Variants in PCDH11Y observed in about 807,000 individuals in gnomAD.
PCDH11Y encodes protocadherin 11 Y-linked.
For missense variants in PCDH11Y, 12 were observed against 224.8 expected, an observed-to-expected ratio of 0.05 and a Z score of 6.05; for synonymous variants, 9 against 83.6, an observed-to-expected ratio of 0.11 and a Z score of 4.87.
At chrY:5,193,461 C>A in intron 2 of PCDH11Y, among the ~76,000 whole-genome samples, 3 of 32,762 alleles carry the variant, frequency 9.2e-5, no homozygotes, top group South Asian at 1.4e-3. Context: ...TGTTATAAAT[C>A]TAAAAATGGG....
intron 1 of PCDH11Y, among the ~76,000 whole-genome samples, chrY:5,083,185 G>C (rs2052723921): frequency 3.0e-5 from 1 of 33,486 alleles, no homozygotes; most frequent in African/African-American, 1.2e-4. Context: ...ATGATTTCCC[G>C]AGCAGAGTAG....
At chrY:5,691,372 T>C (rs1602960524) in intron 4 of PCDH11Y, among the ~76,000 whole-genome samples, 19 of 34,031 alleles carry the variant, frequency 5.6e-4, no homozygotes, top group Middle Eastern at 0.014. Flanking sequence ...CATGTCACTA[T>C]GAAACTTCTT....
chrY:5,311,518 T>C (rs1602902832), intron 2 of PCDH11Y, among the ~76,000 whole-genome samples: 4 of 23,626 alleles, frequency 1.7e-4, no homozygotes, highest in Admixed American at 4.3e-4. Flanking sequence ...CACACACACA[T>C]ATATATATAT....
chrY:5,096,869 A>AT (rs1171845147), intron 1 of PCDH11Y, among the ~76,000 whole-genome samples: 35 of 19,346 alleles, frequency 1.8e-3, no homozygotes, highest in South Asian at 4.0e-3. Context: ...ACGCCAGGCT[A>AT]TTTTTTTTTT....
chrY:5,501,576 A>G (rs2053354278), intron 3 of PCDH11Y, among the ~76,000 whole-genome samples: 2 of 32,984 alleles, frequency 6.1e-5, no homozygotes, highest in Non-Finnish European at 1.5e-4. Context: ...TTTATTTGTG[A>G]AGGTATAAAT....
At chrY:5,702,266 C>T (rs2053579006) in intron 4 of PCDH11Y, among the ~76,000 whole-genome samples, 1 of 30,760 alleles carries the variant, frequency 3.3e-5, no homozygotes, top group African/African-American at 1.3e-4. Context: ...CAGGTTCAAG[C>T]GATTCTCCTG....
intron 2 of PCDH11Y, among the ~76,000 whole-genome samples, chrY:5,187,266 GC>G (rs2052907215): frequency 3.0e-5 from 1 of 32,913 alleles, no homozygotes; most frequent in South Asian, 6.9e-4. Flanking sequence ...GAAGACTGTG[GC>G]CCTGTTCTCA....
chrY:5,695,073 GTATA>G (rs2053570640), intron 4 of PCDH11Y, among the ~76,000 whole-genome samples: 1 of 27,632 alleles, frequency 3.6e-5, no homozygotes, highest in Non-Finnish European at 8.8e-5. Context: ...GTAACCTGGT[GTATA>G]CACACACACA....
chrY:5,350,535 G>A (rs2053157092), intron 2 of PCDH11Y, among the ~76,000 whole-genome samples: 2 of 31,205 alleles, frequency 6.4e-5, no homozygotes, highest in East Asian at 8.7e-4. Flanking sequence ...GTTAAACCTC[G>A]TCTCTACTAA....
intron 4 of PCDH11Y, among the ~76,000 whole-genome samples, chrY:5,673,230 C>G (rs2053551091): frequency 3.2e-5 from 1 of 30,930 alleles, no homozygotes; most frequent in Non-Finnish European, 7.9e-5. Flanking sequence ...GTTAATCAAC[C>G]AAGAAAAAAT....
chrY:5,490,035 G>GA (rs2053337165), intron 2 of PCDH11Y, among the ~76,000 whole-genome samples: 2 of 32,673 alleles, frequency 6.1e-5, no homozygotes, highest in Admixed American at 2.8e-4. Flanking sequence ...AACATATTTA[G>GA]AAAACTTAAT....
At chrY:5,037,429 C>T in intron 3 of PCDH11Y, 2 of 94,140 alleles carry the variant, frequency 2.1e-5, no homozygotes, top group Admixed American at 2.9e-4. Context: ...ATTAGCTGGG[C>T]GTGATGGTGG....
intron 2 of PCDH11Y, among the ~76,000 whole-genome samples, chrY:5,306,684 C>T: frequency 3.0e-5 from 1 of 33,218 alleles, no homozygotes; most frequent in Non-Finnish European, 7.4e-5. Context: ...AAAGCCAAGA[C>T]TGAAACCCAG....
intron 3 of PCDH11Y, among the ~76,000 whole-genome samples, chrY:5,036,407 G>A: frequency 3.0e-5 from 1 of 32,944 alleles, no homozygotes; most frequent in African/African-American, 1.2e-4. Flanking sequence ...ACAAACACAT[G>A]TAACATTAAT....
chrY:5,221,784 G>C, intron 2 of PCDH11Y, among the ~76,000 whole-genome samples: 1 of 31,196 alleles, frequency 3.2e-5, no homozygotes, highest in African/African-American at 1.2e-4. Flanking sequence ...TTTTTTTCTT[G>C]TTTAATTTTT....
At chrY:5,420,574 CA>C (rs2053256684) in intron 2 of PCDH11Y, among the ~76,000 whole-genome samples, 1 of 26,533 alleles carries the variant, frequency 3.8e-5, no homozygotes, top group African/African-American at 1.5e-4. Flanking sequence ...AATCTCAAAT[CA>C]ACAACCTAGC....
chrY:5,339,327 C>CATTTATTTATTTATTT, intron 2 of PCDH11Y, among the ~76,000 whole-genome samples: 4 of 29,708 alleles, frequency 1.3e-4, no homozygotes, highest in African/African-American at 5.1e-4. Context: ...CTGTCCTTTC[C>CATTTATTTATTTATTT]ATTTATTTAT....
chrY:5,733,005 T>G (rs2053606487), intron 4 of PCDH11Y, among the ~76,000 whole-genome samples: 1 of 33,915 alleles, frequency 2.9e-5, no homozygotes, highest in Admixed American at 2.7e-4. Flanking sequence ...CCAGAAGTTC[T>G]GATTGCTTTC....
intron 4 of PCDH11Y, among the ~76,000 whole-genome samples, chrY:5,652,742 C>T: frequency 3.1e-5 from 1 of 32,592 alleles, no homozygotes; most frequent in Non-Finnish European, 7.5e-5. Flanking sequence ...GAAGAACCGA[C>T]AGAAGACCTG....
Sources: allele counts gnomAD v4.1 joint callset (sites outside exome capture counted in the v4.1 genomes callset), GRCh38; gene constraint gnomAD v4.1.1; transcripts MANE v1.5; gene names NCBI Gene and HGNC (gene_info 2026-07-23, HGNC 2026-07-21).